Variants in EEPD1 observed in about 807,000 individuals in gnomAD.
EEPD1 encodes endonuclease/exonuclease/phosphatase family domain containing 1, also known as endonuclease/exonuclease/phosphatase family domain-containing protein 1.
EEPD1 carries 17 observed loss-of-function variants against 46.3 expected under a neutral mutation model. The ratio of observed to expected loss-of-function variants is 0.37; its 90% confidence interval spans 0.25 to 0.55. EEPD1 has a LOEUF of 0.55. EEPD1 is among the 20% of genes least tolerant of loss of function. EEPD1 has a pLI of 0.83. For synonymous variants in EEPD1, 313 were observed against 315.6 expected (o/e 0.99, Z 0.09); for missense variants, 673 against 745.6 (o/e 0.90, Z 1.13).
At chr7:36,292,812 C>T (rs1453931702) in intron 6 of EEPD1, among the ~76,000 whole-genome samples, 3 of 152,092 alleles carry the variant, frequency 2.0e-5, no homozygotes, top group African/African-American at 7.2e-5. Flanking sequence ...TGGCCTAGAG[C>T]CACTGTTTTC....
intron 6 of EEPD1, among the ~76,000 whole-genome samples, chr7:36,289,561 C>G (rs1562714075): frequency 6.6e-6 from 1 of 152,252 alleles, no homozygotes; most frequent in Non-Finnish European, 1.5e-5. Context: ...GAGGCACGAT[C>G]TCGGCTCACT....
chr7:36,238,065 G>A (rs1786489709), intron 2 of EEPD1, among the ~76,000 whole-genome samples: 1 of 152,100 alleles, frequency 6.6e-6, no homozygotes, highest in Non-Finnish European at 1.5e-5. Flanking sequence ...CAGAACTGAG[G>A]GTTCCTCTCC....
chr7:36,184,125 T>G (rs1785321637), intron 2 of EEPD1, among the ~76,000 whole-genome samples: 1 of 152,202 alleles, frequency 6.6e-6, no homozygotes, highest in Non-Finnish European at 1.5e-5. Flanking sequence ...CAATTTGCTA[T>G]TGTCAAGTGA....
intron 3 of EEPD1, among the ~76,000 whole-genome samples, chr7:36,256,596 G>A (rs919996462): frequency 6.6e-6 from 1 of 151,974 alleles, no homozygotes; most frequent in African/African-American, 2.4e-5. Context: ...TGTCTTTTTT[G>A]ATCTTTGTTG....
intron 2 of EEPD1, among the ~76,000 whole-genome samples, chr7:36,236,991 C>G (rs1219925665): frequency 6.6e-6 from 1 of 152,240 alleles, no homozygotes; most frequent in Non-Finnish European, 1.5e-5. Flanking sequence ...ATAAATCTTA[C>G]TGCTGCTCCC....
chr7:36,217,956 G>A (rs1786059742), intron 2 of EEPD1, among the ~76,000 whole-genome samples: 1 of 152,208 alleles, frequency 6.6e-6, no homozygotes, highest in Admixed American at 6.5e-5. Context: ...TTTTCAGTAT[G>A]CTCTGAAAGC....
intron 6 of EEPD1, among the ~76,000 whole-genome samples, chr7:36,296,711 T>TTC (rs1308250554): frequency 6.7e-6 from 1 of 149,498 alleles, no homozygotes; most frequent in Non-Finnish European, 1.5e-5. Context: ...TTTTTTTTTT[T>TTC]TTTTTTGTGA....
chr7:36,271,519 C>T (rs1441972121), intron 3 of EEPD1, among the ~76,000 whole-genome samples: 8 of 151,976 alleles, frequency 5.3e-5, no homozygotes, highest in Non-Finnish European at 7.4e-5. Context: ...AGCCCTTTGT[C>T]GGACTGATAG....
intron 2 of EEPD1, among the ~76,000 whole-genome samples, chr7:36,218,982 G>A (rs957650495): frequency 6.6e-6 from 1 of 152,092 alleles, no homozygotes; most frequent in Non-Finnish European, 1.5e-5. Flanking sequence ...CTGGGTTTAG[G>A]TAGAGCAAGA....
chr7:36,157,281 A>G (rs529013439), intron 2 of EEPD1, among the ~76,000 whole-genome samples: 3 of 152,286 alleles, frequency 2.0e-5, no homozygotes, highest in Admixed American at 6.5e-5. Context: ...GATCATCCTT[A>G]TAATTATTCA....
At chr7:36,277,686 A>C (rs905987359) in intron 3 of EEPD1, among the ~76,000 whole-genome samples, 2 of 152,242 alleles carry the variant, frequency 1.3e-5, no homozygotes, top group Non-Finnish European at 2.9e-5. Flanking sequence ...ATAGAAGAAA[A>C]TACTTACTCC....
intron 2 of EEPD1, among the ~76,000 whole-genome samples, chr7:36,229,518 A>G (rs1786282754): frequency 6.6e-6 from 1 of 152,136 alleles, no homozygotes; most frequent in Non-Finnish European, 1.5e-5. Flanking sequence ...TTGGAAAATC[A>G]TGCTGTGAGA....
At chr7:36,243,195 G>A (rs774487908) in intron 3 of EEPD1, among the ~76,000 whole-genome samples, 15 of 152,076 alleles carry the variant, frequency 9.9e-5, no homozygotes, top group Non-Finnish European at 1.3e-4. Context: ...TTATGTGCTC[G>A]AAAGTTCAAG....
At chr7:36,219,432 G>C (rs6979913) in intron 2 of EEPD1, among the ~76,000 whole-genome samples, 2,115 of 151,732 alleles carry the variant, frequency 0.014, 57 homozygotes, top group African/African-American at 0.048. Context: ...CCAGCACTTT[G>C]GGAGGCCGAG....
Position 36,265,554 on chromosome 7 carries a change from C to T in EEPD1, c.931-15561C>T, listed in dbSNP as rs114172375. 5.3e-3 allele frequency among the ~76,000 whole-genome samples: 802 copies of T among 152,294 alleles called. 9 individuals are homozygous for T. The highest frequency in any genetic ancestry group is 0.018 in the African/African-American group (764 of 41,554). The stretch of plus-strand genomic sequence containing the variant: ...AACTCATTTTCTTTGGATTTGAGTA[C>T]CTAAATAATTATTAATCCTTTCCCC... On this transcript the variant is annotated intron_variant, in intron 3 of 7. Transcript: ENST00000242108.
intron 6 of EEPD1, among the ~76,000 whole-genome samples, chr7:36,294,497 C>T (rs1326472246): frequency 1.3e-5 from 2 of 151,936 alleles, no homozygotes; most frequent in African/African-American, 4.8e-5. Flanking sequence ...TGTATCATCA[C>T]ATAGGAGGAA....
chr7:36,246,032 A>G (rs370117292), intron 3 of EEPD1, among the ~76,000 whole-genome samples: 2 of 152,248 alleles, frequency 1.3e-5, no homozygotes, highest in South Asian at 4.1e-4. Flanking sequence ...ATCATTTTTC[A>G]ATGACCCTTT....
At position 36,197,323 on chromosome 7, in the gene EEPD1, A is replaced by C. The variant is rs1349710220; in HGVS notation, c.879-41662A>C. ...CAGCCCCCCGCCCGGCCAGCCGCCC[A>C]GTCCAGGAGGTGAGGGGCGCCTCTG... On this transcript the variant is annotated intron_variant, in intron 2 of 7. Transcript: ENST00000242108. 2.3e-4 allele frequency among the ~76,000 whole-genome samples: 32 copies of C among 140,262 alleles called. No individual in the cohort carries two copies. The East Asian group carries it at 4.5e-3, about 20-fold the overall frequency. 92.0% of individuals were successfully genotyped at this position (140,262 alleles called of 152,430 possible).
At chr7:36,175,996 G>A (rs750864937) in intron 2 of EEPD1, among the ~76,000 whole-genome samples, 5 of 152,312 alleles carry the variant, frequency 3.3e-5, no homozygotes, top group Non-Finnish European at 4.4e-5. Flanking sequence ...AGGCTGTGGC[G>A]TGGGCCCTTT....
Sources: allele counts gnomAD v4.1 joint callset (sites outside exome capture counted in the v4.1 genomes callset), GRCh38; gene constraint gnomAD v4.1.1; transcripts MANE v1.5; gene names NCBI Gene and HGNC (gene_info 2026-07-23, HGNC 2026-07-21).